ECHDC1: variants seen among roughly 807,000 people sequenced by gnomAD.
ECHDC1 encodes ethylmalonyl-CoA decarboxylase.
In ECHDC1, 29 loss-of-function variants were observed where a neutral mutation model predicts 29.7. The ratio of observed to expected loss-of-function variants is 0.98; its 90% CI spans 0.73 to 1.33. The LOEUF (loss-of-function observed/expected upper bound fraction) is 1.33. Among genes scored for constraint, ECHDC1 ranks in the 40% most tolerant of loss-of-function variants. The probability of loss-of-function intolerance (pLI) is 0.00; values close to 1 mark genes in which losing one functional copy is unlikely to be tolerated. For synonymous variants in ECHDC1, 126 were observed against 123.1 expected (o/e 1.02, Z -0.15); for missense variants, 328 against 350.0 (o/e 0.94, Z 0.50).
chr6:127,309,980 T>C (rs546889520), intron 5 of ECHDC1, among the ~76,000 whole-genome samples: 12 of 152,026 alleles, frequency 7.9e-5, no homozygotes, highest in African/African-American at 2.9e-4. Flanking sequence ...CCTCCAAAAT[T>C]GAGGATTACA....
intron 5 of ECHDC1, among the ~76,000 whole-genome samples, chr6:127,296,537 G>C (rs1293121436): frequency 6.6e-6 from 1 of 151,918 alleles, no homozygotes; most frequent in Non-Finnish European, 1.5e-5. Flanking sequence ...AACAAGCTGA[G>C]CAAATATATG....
At chr6:127,299,153 C>A (rs982548258) in intron 5 of ECHDC1, among the ~76,000 whole-genome samples, 1 of 152,084 alleles carries the variant, frequency 6.6e-6, no homozygotes, top group African/African-American at 2.4e-5. Flanking sequence ...AGGCATAAGC[C>A]ACCACAGCTG....
chr6:127,294,630 A>AGG, intron 5 of ECHDC1: 1 of 151,988 alleles, frequency 6.6e-6, no homozygotes. Flanking sequence ...TGTGGTTGTG[A>AGG]GGGGGGGAGC....
intron 1 of ECHDC1, among the ~76,000 whole-genome samples, chr6:127,333,977 ATCT>A (rs1240230940): frequency 6.6e-6 from 1 of 152,132 alleles, no homozygotes; most frequent in Admixed American, 6.5e-5. Context: ...TTTGCATATC[ATCT>A]TTTGTGAAGT....
intron 5 of ECHDC1, among the ~76,000 whole-genome samples, chr6:127,293,285 A>C (rs1780343642): frequency 6.6e-6 from 1 of 152,162 alleles, no homozygotes. Context: ...GCAAAAAAAC[A>C]GCCTTTTTGT....
At position 127,314,872 on chromosome 6, in the gene ECHDC1, C is replaced by T. The variant is rs1582966433; in HGVS notation, c.441G>A (p.Leu147=). ...FMRLPLISVA[L]VQGWALGGGA... is the part of the protein sequence containing the mutation. ...CTCCACCCAATGCCCAACCTTGAAC[C>T]AGCGCAACACTTATTAAAGGAAGTC... The change falls in exon 5 of 6, where the codon CTG becomes CTA. Residue 147 remains leucine (L), a synonymous_variant. Transcript: ENST00000454859. 6.2e-7 allele frequency: 1 copy of T among 1,611,540 alleles called. No individual in the cohort carries two copies. The highest frequency in any genetic ancestry group is 8.5e-7 in the Non-Finnish European group (1 of 1,178,850).
In ECHDC1 at chr6:127,289,145, G is replaced by C. The variant is rs1363769012; in HGVS notation, c.*724C>G. On this transcript the variant is annotated 3_prime_UTR_variant, in exon 6 of 6. Transcript: ENST00000454859. The stretch of plus-strand genomic sequence containing the variant: ...ATTTATGTTGCAGGATGCTTCATGA[G>C]TCCCTTCAAGTGGTTTAAAACTACA... The C allele has an allele frequency of 1.3e-5, 2 of 152,034 alleles. No homozygotes were observed. Among genetic ancestry groups the C allele is most frequent in the Non-Finnish European group, 2.9e-5 (2 of 67,978 alleles). The allele number at this position is 152,034 out of a possible 1,614,324, so 9.4% of individuals were successfully genotyped here.
intron 5 of ECHDC1, among the ~76,000 whole-genome samples, chr6:127,293,047 G>T (rs1468792473): frequency 3.3e-5 from 5 of 152,062 alleles, no homozygotes; most frequent in Non-Finnish European, 7.4e-5. Flanking sequence ...CTACTGTCTG[G>T]ATGAAACAAT....
chr6:127,299,115 C>A (rs1445326924), intron 5 of ECHDC1, among the ~76,000 whole-genome samples: 2 of 152,062 alleles, frequency 1.3e-5, no homozygotes, highest in African/African-American at 4.8e-5. Context: ...AATCCTCCTG[C>A]CTTGGCCTTC....
chr6:127,289,842 T>C lies in ECHDC1; in HGVS notation c.*27A>G. 6.4e-7 allele frequency: 1 copy of C among 1,574,624 alleles called. No homozygotes were observed. The highest frequency in any genetic ancestry group is 8.6e-7 in the Non-Finnish European group (1 of 1,162,394). On this transcript the variant is annotated 3_prime_UTR_variant, in exon 6 of 6. Coordinates refer to ENST00000454859, the MANE Select transcript of ECHDC1 (RefSeq NM_001002030.2). ...TACATATTAGTCACTGGAGCTTTAC[T>C]TGGAGTACATCCACACGAAAAACCA...
chr6:127,316,486 C>CTGGA lies in ECHDC1; in HGVS notation c.379_380insTCCA (p.Cys127PhefsTer39). On this transcript the variant is annotated frameshift_variant, in exon 4 of 6. Coordinates refer to ENST00000454859, the MANE Select transcript of ECHDC1 (RefSeq NM_001002030.2). LOFTEE classifies it high-confidence loss of function. ...TGTTAAGGTGTTTTGCATGAACATG[C>CTGGA]ATACGGCCATTCCATCCTTTAAATA... 6.2e-7 allele frequency: 1 copy of CTGGA among 1,604,020 alleles called. No individual in the cohort carries two copies. The highest frequency in any genetic ancestry group is 1.1e-5 in the South Asian group (1 of 88,698).
intron 5 of ECHDC1, among the ~76,000 whole-genome samples, chr6:127,297,263 C>T (rs1276917691): frequency 6.6e-6 from 1 of 152,054 alleles, no homozygotes; most frequent in Admixed American, 6.6e-5. Context: ...TAGTGTTTAT[C>T]CTTAAGATAT....
intron 1 of ECHDC1, among the ~76,000 whole-genome samples, chr6:127,333,714 C>CACACAG (rs1194715411): frequency 1.4e-5 from 2 of 147,264 alleles, no homozygotes; most frequent in African/African-American, 5.0e-5. Flanking sequence ...CACACACACA[C>CACACAG]AGTTTACCAG....
intron 5 of ECHDC1, among the ~76,000 whole-genome samples, chr6:127,312,068 A>C (rs75516688): frequency 4.0e-5 from 6 of 149,494 alleles, no homozygotes; most frequent in South Asian, 4.2e-4. Context: ...TAAAAAAAAA[A>C]CTCACAGGCT....
chr6:127,340,388 C>G (rs144512142), intron 1 of ECHDC1, among the ~76,000 whole-genome samples: 22 of 152,300 alleles, frequency 1.4e-4, no homozygotes, highest in African/African-American at 5.3e-4. Flanking sequence ...CCCTTTCTCC[C>G]TCCTCTCTCC....
rs60212728 is a variant in ECHDC1 at position 127,322,646 on chromosome 6, G to GTATATA, written c.363+4350_363+4355dup. Reference sequence around the variant, plus strand: ...GTATATATACTATATATATATGTGTGTATATATATATATACAATGATGTAT... The same window carrying GTATATA: ...GTATATATACTATATATATATGTGTGTATATATATATATATATATACAATGATGTAT... On this transcript the variant is annotated intron_variant, in intron 3 of 5. Transcript: ENST00000454859. 3.1e-3 allele frequency among the ~76,000 whole-genome samples: 469 copies of GTATATA among 149,280 alleles called. 1 individual carries two copies. Among genetic ancestry groups the GTATATA allele is most frequent in the Middle Eastern group, 0.011 (3 of 284 alleles).
chr6:127,334,165 G>A (rs1784221215), intron 1 of ECHDC1, among the ~76,000 whole-genome samples: 1 of 152,054 alleles, frequency 6.6e-6, no homozygotes, highest in Non-Finnish European at 1.5e-5. Context: ...TAACAGAAAT[G>A]CAATCCCTTA....
chr6:127,330,593 G>A (rs1212211421), intron 2 of ECHDC1, among the ~76,000 whole-genome samples: 1 of 152,058 alleles, frequency 6.6e-6, no homozygotes, highest in Non-Finnish European at 1.5e-5. Context: ...CTGTATTAAT[G>A]AGTTTTCTGA....
chr6:127,340,080 T>C (rs571594226), intron 1 of ECHDC1, among the ~76,000 whole-genome samples: 1 of 152,346 alleles, frequency 6.6e-6, no homozygotes, highest in Admixed American at 6.5e-5. Flanking sequence ...AATAAAAATA[T>C]TGACACTTTT....
Sources: gnomAD v4.1 joint callset for allele counts (sites outside exome capture counted in the v4.1 genomes callset) on GRCh38, gnomAD v4.1.1 for gene constraint, MANE v1.5 for transcripts, NCBI Gene and HGNC (gene_info 2026-07-23, HGNC 2026-07-21) for gene names.